Variants in RSF1 observed in about 807,000 individuals in gnomAD.
RSF1 encodes HBV pX-associated protein 8.
RSF1 carries 13 observed loss-of-function variants against 145.2 expected under a neutral mutation model. That is an observed-to-expected ratio of 0.09 (90% CI 0.06 to 0.14). The LOEUF (loss-of-function observed/expected upper bound fraction) is 0.14. Among genes scored for constraint, RSF1 ranks in the 10% least tolerant of loss-of-function variants. The probability of loss-of-function intolerance (pLI) is 1.00; values close to 1 mark genes in which losing one functional copy is unlikely to be tolerated. For synonymous variants in RSF1, 577 were observed against 592.6 expected (o/e 0.97, Z 0.38); for missense variants, 1,517 against 1,718.2 (o/e 0.88, Z 2.07).
chr11:77,849,075 C>T, the RSF1 span, among the ~76,000 whole-genome samples: 1 of 150,670 alleles, frequency 6.6e-6, no homozygotes, highest in Non-Finnish European at 1.5e-5. Context: ...CTCACTTGGT[C>T]CCCCAGGCTG....
At chr11:77,711,543 C>T (rs1245415579) in intron 5 of RSF1, among the ~76,000 whole-genome samples, 1 of 151,980 alleles carries the variant, frequency 6.6e-6, no homozygotes, top group Non-Finnish European at 1.5e-5. Flanking sequence ...GTTGCAGGTG[C>T]CTGTAATCCC....
At chr11:77,734,881 A>C (rs2135901095) in intron 4 of RSF1, 3 of 1,582,884 alleles carry the variant, frequency 1.9e-6, no homozygotes, top group Non-Finnish European at 1.7e-6. Context: ...AAAGTTCTTC[A>C]AAGCCACATC....
At position 77,666,717 on chromosome 11, in the gene RSF1, A is replaced by C; in HGVS notation, c.*200T>G. ...CATGAACCTGGAAAAAGAAAATCAA[A>C]AGGAATTTACAGCAATTATTTATCT... On this transcript the variant is annotated 3_prime_UTR_variant, in exon 16 of 16. Transcript: ENST00000308488. 2.5e-6 allele frequency: 1 copy of C among 403,696 alleles called. No individual in the cohort carries two copies. The highest frequency in any genetic ancestry group is 4.4e-6 in the Non-Finnish European group (1 of 229,664). The allele number at this position is 403,696 out of a possible 1,614,324, so 25.0% of individuals were successfully genotyped here. A position where few individuals can be genotyped will look rare whatever the true frequency, so the allele number is the denominator to read the frequency against.
chr11:77,729,618 C>T (rs971435352), intron 4 of RSF1, among the ~76,000 whole-genome samples: 3 of 151,268 alleles, frequency 2.0e-5, no homozygotes, highest in Non-Finnish European at 4.4e-5. Flanking sequence ...CAAGTATAGG[C>T]ATTATCTTCT....
chr11:77,727,635 C>A (rs527677075), intron 4 of RSF1, among the ~76,000 whole-genome samples: 2 of 151,908 alleles, frequency 1.3e-5, no homozygotes, highest in Non-Finnish European at 2.9e-5. Context: ...CATCACCACG[C>A]CTGGCTAATT....
chr11:77,802,282 T>C (rs1016347431), intron 1 of RSF1, among the ~76,000 whole-genome samples: 2 of 152,100 alleles, frequency 1.3e-5, no homozygotes, highest in East Asian at 1.9e-4. Flanking sequence ...CAGACAGAAG[T>C]GTGGGGACCC....
At chr11:77,808,099 CA>C (rs1948695206) in intron 1 of RSF1, among the ~76,000 whole-genome samples, 1 of 152,006 alleles carries the variant, frequency 6.6e-6, no homozygotes, top group Non-Finnish European at 1.5e-5. Context: ...TTTGGGAGGC[CA>C]AGGCAGGCGA....
chr11:77,725,619 T>C lies in RSF1; in HGVS notation c.659A>G (p.Gln220Arg), dbSNP rs1961036130. The stretch of plus-strand genomic sequence containing the variant: ...GGGACTTTCCCGAGAAGAGTTGTCT[T>C]GTTGGCTAGAGTTTTTCAATAGTAC... ...DPVLLKNSSQ[Q>R]DNSSRESPSL... The change falls in exon 5 of 16, where the codon CAA becomes CGA. Residue 220 changes from glutamine (Q) to arginine (R), a missense_variant. Coordinates refer to ENST00000308488, the MANE Select transcript of RSF1 (RefSeq NM_016578.4). 4 of 1,612,204 alleles carry C rather than the reference T, an allele frequency of 2.5e-6. No individual in the cohort carries two copies. The highest frequency in any genetic ancestry group is 3.4e-6 in the Non-Finnish European group (4 of 1,179,150).
chr11:77,749,835 G>C (rs1948042163), intron 2 of RSF1, among the ~76,000 whole-genome samples: 1 of 152,050 alleles, frequency 6.6e-6, no homozygotes, highest in Admixed American at 6.6e-5. Flanking sequence ...TGCAACCTCT[G>C]CCTCCCAGGT....
chr11:77,796,794 A>G (rs1315455201), intron 1 of RSF1, among the ~76,000 whole-genome samples: 1 of 152,226 alleles, frequency 6.6e-6, no homozygotes, highest in African/African-American at 2.4e-5. Flanking sequence ...TTAAGCTAAT[A>G]AGCAACTTCG....
At chr11:77,750,248 A>G (rs1338800420) in intron 2 of RSF1, among the ~76,000 whole-genome samples, 1 of 152,124 alleles carries the variant, frequency 6.6e-6, no homozygotes, top group Non-Finnish European at 1.5e-5. Context: ...TTTAATCTAC[A>G]CCCGGGGTAA....
In RSF1 at chr11:77,667,182, A is replaced by G. The variant is rs764042248; in HGVS notation, c.4061T>C (p.Val1354Ala). ...ESDEEEDFEN[V>A]GKVGSPLDYS... ...GTCCAATGGGCTCCCCACTTTGCCT[A>G]CATTTTCAAAGTCCTCTTCCTCATC... Residue 1354 changes from valine (V) to alanine (A), a missense_variant, in exon 16 of 16, where the codon GTA becomes GCA. This residue lies in a region of RSF1 where 240 missense variants were observed against 231.8 expected (regional missense o/e 1.04). Coordinates refer to ENST00000308488, the MANE Select transcript of RSF1 (RefSeq NM_016578.4). 18 of 1,614,196 alleles carry G rather than the reference A, an allele frequency of 1.1e-5. No homozygotes were observed. Among genetic ancestry groups the G allele is most frequent in the Non-Finnish European group, 1.4e-5 (17 of 1,180,038 alleles).
At chr11:77,844,899 C>T in the RSF1 span, among the ~76,000 whole-genome samples, 6 of 152,130 alleles carry the variant, frequency 3.9e-5, no homozygotes, top group Admixed American at 2.6e-4. Context: ...TTTGATCAAT[C>T]GTCTTTTTCT....
At chr11:77,721,567 T>C (rs1960941315) in intron 5 of RSF1, among the ~76,000 whole-genome samples, 1 of 152,174 alleles carries the variant, frequency 6.6e-6, no homozygotes. Context: ...TCACTCTTTA[T>C]CTAATTTCCC....
At chr11:77,861,946 C>A in the RSF1 span, among the ~76,000 whole-genome samples, 1 of 152,178 alleles carries the variant, frequency 6.6e-6, no homozygotes. Flanking sequence ...TAAGATTAGT[C>A]GGCCTTCAGT....
At chr11:77,793,669 C>G (rs539697935) in intron 1 of RSF1, among the ~76,000 whole-genome samples, 2 of 152,332 alleles carry the variant, frequency 1.3e-5, no homozygotes, top group South Asian at 4.1e-4. Flanking sequence ...GCTGCGACAT[C>G]TGTCACTCCA....
chr11:77,849,958 G>T, the RSF1 span, among the ~76,000 whole-genome samples: 1 of 152,078 alleles, frequency 6.6e-6, no homozygotes, highest in East Asian at 1.9e-4. Flanking sequence ...CAGTTCACTT[G>T]TATTATAATG....
At position 77,764,686 on chromosome 11, in the gene RSF1, G is replaced by A. The variant is rs1212745267; in HGVS notation, c.191C>T (p.Pro64Leu). 6.3e-7 allele frequency: 1 copy of A among 1,582,018 alleles called. No homozygotes were observed. Among genetic ancestry groups the A allele is most frequent in the Admixed American group, 1.8e-5 (1 of 56,306 alleles). Reference sequence around the variant, plus strand: ...CAAATGGAGCTCCACCAATTCTTTTGGTACTTAAAAGAAAGAAAAAAAATA... The same window carrying A: ...CAAATGGAGCTCCACCAATTCTTTTAGTACTTAAAAGAAAGAAAAAAAATA... ...PPPDVGNGEV[P>L]KELVELHLKL... Residue 64 changes from proline (P) to leucine (L), a missense_variant, in exon 2 of 16, where the codon CCA (proline) becomes CTA (leucine). By Grantham distance (98) the Pro-to-Leu change is moderately conservative. Transcript: ENST00000308488.
intron 2 of RSF1, among the ~76,000 whole-genome samples, 187 bp from the exon 3 acceptor site, chr11:77,747,315 A>G (rs1035701531): frequency 6.6e-6 from 1 of 152,078 alleles, no homozygotes; most frequent in Admixed American, 6.5e-5. Context: ...CTATTGTTTG[A>G]TAACTGAATT....
Sources: allele counts gnomAD v4.1 joint callset (sites outside exome capture counted in the v4.1 genomes callset), GRCh38; gene constraint gnomAD v4.1.1; regional missense constraint gnomAD v4.1.1; transcripts MANE v1.5; gene names NCBI Gene and HGNC (gene_info 2026-07-23, HGNC 2026-07-21).